The following MED13L variants were observed in gnomAD, a reference collection of about 807,000 sequenced individuals.
MED13L encodes the protein mediator complex subunit 13L.
Under a neutral mutation model 220.9 loss-of-function variants are expected in MED13L, and 7 were observed. The observed-to-expected ratio is 0.03, with a 90% CI of 0.02 to 0.06. MED13L has a LOEUF of 0.06. Among genes scored for constraint, MED13L ranks in the 10% least tolerant of loss-of-function variants. The pLI is 1.00. For synonymous variants in MED13L, 1,011 were observed against 1,015.2 expected (o/e 1.00, Z 0.08); for missense variants, 1,965 against 2,760.5 (o/e 0.71, Z 6.46).
intron 3 of MED13L, among the ~76,000 whole-genome samples, chr12:116,100,133 T>G (rs1470301298): frequency 6.6e-6 from 1 of 152,104 alleles, no homozygotes; most frequent in African/African-American, 2.4e-5. Context: ...CCTCCAAGAT[T>G]AGGCAGTACA....
At chr12:116,162,779 T>C (rs1593116985) in intron 2 of MED13L, among the ~76,000 whole-genome samples, 1 of 152,260 alleles carries the variant, frequency 6.6e-6, no homozygotes, top group African/African-American at 2.4e-5. Context: ...TCGTAAGTTA[T>C]ACTTTTATGT....
At chr12:116,025,277 G>A (rs1880319724) in intron 4 of MED13L, among the ~76,000 whole-genome samples, 1 of 152,116 alleles carries the variant, frequency 6.6e-6, no homozygotes, top group Non-Finnish European at 1.5e-5. Context: ...ATACACTGTT[G>A]GTGGGAATGT....
At chr12:115,985,035 G>A (rs1189692035) in intron 19 of MED13L, among the ~76,000 whole-genome samples, 1 of 152,012 alleles carries the variant, frequency 6.6e-6, no homozygotes, top group Non-Finnish European at 1.5e-5. Context: ...TGAAGTGAAG[G>A]CTTACTAAGC....
chr12:115,964,862 A>G (rs1250396199), intron 29 of MED13L, among the ~76,000 whole-genome samples: 1 of 152,222 alleles, frequency 6.6e-6, no homozygotes, highest in Non-Finnish European at 1.5e-5. Flanking sequence ...TTAAATGACA[A>G]CGGTGTGCAG....
At chr12:116,251,486 G>A (rs1372213507) in intron 1 of MED13L, among the ~76,000 whole-genome samples, 4 of 145,300 alleles carry the variant, frequency 2.8e-5, no homozygotes, top group African/African-American at 5.1e-5. Flanking sequence ...CTGGCCAGAC[G>A]AGGTGGCTCA....
At chr12:116,270,734 G>GTA (rs1177965874) in intron 1 of MED13L, among the ~76,000 whole-genome samples, 1 of 151,972 alleles carries the variant, frequency 6.6e-6, no homozygotes, top group African/African-American at 2.4e-5. Context: ...AACAATGAAA[G>GTA]TATATATACT....
At chr12:115,989,143 A>G (rs1031083828) in intron 17 of MED13L, among the ~76,000 whole-genome samples, 6 of 152,182 alleles carry the variant, frequency 3.9e-5, no homozygotes, top group African/African-American at 1.4e-4. Flanking sequence ...ACTGTATTTA[A>G]GAAGCTTATA....
At chr12:116,140,762 C>T (rs746272926) in intron 2 of MED13L, among the ~76,000 whole-genome samples, 8 of 152,166 alleles carry the variant, frequency 5.3e-5, no homozygotes, top group Non-Finnish European at 1.0e-4. Flanking sequence ...TACAAATTAT[C>T]GCATTACTAA....
intron 2 of MED13L, among the ~76,000 whole-genome samples, chr12:116,179,082 G>C (rs1880294402): frequency 6.6e-6 from 1 of 152,162 alleles, no homozygotes; most frequent in Non-Finnish European, 1.5e-5. Context: ...ATAGGAAACA[G>C]TGAAAGCAGC....
intron 2 of MED13L, among the ~76,000 whole-genome samples, chr12:116,119,242 C>G (rs1399097773): frequency 6.6e-6 from 1 of 152,142 alleles, no homozygotes; most frequent in African/African-American, 2.4e-5. Flanking sequence ...TGCTCCTGGT[C>G]GACACCTTTG....
At chr12:116,042,774 A>C (rs910207236) in intron 4 of MED13L, among the ~76,000 whole-genome samples, 2 of 152,202 alleles carry the variant, frequency 1.3e-5, no homozygotes, top group South Asian at 2.1e-4. Flanking sequence ...GTAAAAAAAA[A>C]CCCAGCATCC....
At chr12:116,263,928 C>T (rs748831850) in intron 1 of MED13L, among the ~76,000 whole-genome samples, 6 of 152,148 alleles carry the variant, frequency 3.9e-5, no homozygotes, top group Non-Finnish European at 8.8e-5. Flanking sequence ...AAACAAAGTA[C>T]ACTGAATCGC....
At chr12:116,070,410 A>C (rs1870276703) in intron 4 of MED13L, among the ~76,000 whole-genome samples, 1 of 152,210 alleles carries the variant, frequency 6.6e-6, no homozygotes, top group African/African-American at 2.4e-5. Context: ...GCACTCTCCT[A>C]AGCACTTTTT....
chr12:116,165,759 A>G lies in MED13L; in HGVS notation c.311-54247T>C, dbSNP rs375431171. On this transcript the variant is annotated intron_variant, in intron 2 of 30. Coordinates refer to ENST00000281928, the MANE Select transcript of MED13L (RefSeq NM_015335.5). The stretch of plus-strand genomic sequence containing the variant: ...ACCCCACCTTCAATTCCTGCTTAAA[A>G]TATGTAACATGGATTCTCCTTGTCT... Among the ~76,000 whole-genome samples the G allele has an allele frequency of 1.0e-3, 154 of 152,250 alleles. 3 individuals carry two copies. In the South Asian group the frequency reaches 0.026, roughly 26 times the overall value.
At chr12:115,965,974 A>C (rs1014648784) in intron 29 of MED13L, 108 bp downstream of exon 29, 1 of 1,356,766 alleles carries the variant, frequency 7.4e-7, no homozygotes, top group South Asian at 1.2e-5. Flanking sequence ...AAGAGAAAAA[A>C]GGAACAGAAT....
chr12:116,087,078 T>G (rs145214301), intron 4 of MED13L, among the ~76,000 whole-genome samples: 14 of 152,346 alleles, frequency 9.2e-5, no homozygotes, highest in African/African-American at 3.4e-4. Flanking sequence ...AATATTTGAT[T>G]GGCAAGCTTT....
At chr12:116,066,199 G>A (rs900493989) in intron 4 of MED13L, among the ~76,000 whole-genome samples, 8 of 152,110 alleles carry the variant, frequency 5.3e-5, no homozygotes, top group African/African-American at 7.2e-5. Context: ...AAAAGCATGC[G>A]CACTCTGGAC....
intron 4 of MED13L, among the ~76,000 whole-genome samples, chr12:116,041,574 G>A (rs1027206111): frequency 6.6e-6 from 1 of 152,236 alleles, no homozygotes; most frequent in Non-Finnish European, 1.5e-5. Flanking sequence ...GCTGGGCGCG[G>A]TGGCTCATGC....
At chr12:116,092,115 T>C (rs914643252) in intron 4 of MED13L, among the ~76,000 whole-genome samples, 21 of 152,202 alleles carry the variant, frequency 1.4e-4, no homozygotes, top group African/African-American at 4.6e-4. Context: ...TTAATATTTG[T>C]CTATGGACTT....
Sources: allele counts gnomAD v4.1 joint callset (sites outside exome capture counted in the v4.1 genomes callset), GRCh38; gene constraint gnomAD v4.1.1; transcripts MANE v1.5; gene names NCBI Gene and HGNC (gene_info 2026-07-23, HGNC 2026-07-21).